MTMR4: variants seen among roughly 807,000 people sequenced by gnomAD.
The protein encoded by MTMR4 is myotubularin related protein 4, also known as phosphatidylinositol-3,5-bisphosphate 3-phosphatase MTMR4.
Under a neutral mutation model 125.5 loss-of-function variants are expected in MTMR4, and 30 were observed. That is an observed-to-expected ratio of 0.24 (90% CI 0.18 to 0.32). MTMR4 has a LOEUF of 0.32. MTMR4 is among the 10% of genes least tolerant of loss of function. MTMR4 has a pLI of 1.00. For synonymous variants in MTMR4, 498 were observed against 564.5 expected (o/e 0.88, Z 1.67); for missense variants, 1,039 against 1,511.5 (o/e 0.69, Z 5.18).
chr17:58,513,033 C>A, intron 1 of MTMR4, 92 bp from the exon 2 acceptor site: 3 of 857,096 alleles, frequency 3.5e-6, no homozygotes, highest in Admixed American at 2.1e-5. Context: ...CCACAGATAC[C>A]CACACACACA....
At chr17:58,509,177 T>A (rs1975860333) in intron 4 of MTMR4, among the ~76,000 whole-genome samples, 1 of 151,916 alleles carries the variant, frequency 6.6e-6, no homozygotes, top group African/African-American at 2.4e-5. Context: ...ACCAGTGTTA[T>A]CTCCCATGAC....
Position 58,508,410 on chromosome 17 carries a change from T to A in MTMR4, c.593+58A>T. 1 of 1,587,780 alleles carries A rather than the reference T, an allele frequency of 6.3e-7. No homozygotes were observed. The highest frequency in any genetic ancestry group is 8.6e-7 in the Non-Finnish European group (1 of 1,156,096). ...ACTCAGAAGCTGTGCCCACCACACT[T>A]TATCCAAACACGGAAGTAGTTTGGT... On this transcript the variant is annotated intron_variant, in intron 6 of 17. Coordinates refer to ENST00000682306, the MANE Select transcript of MTMR4 (RefSeq NM_001378067.1). The surrounding 1 kb of genome is among the most constrained non-coding windows in gnomAD (Gnocchi z 4.8).
chr17:58,514,640 G>A (rs1236192071), upstream of MTMR4: 1 of 985,210 alleles, frequency 1.0e-6, no homozygotes, highest in African/African-American at 1.7e-5. Flanking sequence ...AGGGAGGGGA[G>A]CCAGGCGAGG....
chr17:58,516,525 A>G, upstream of MTMR4: 1 of 1,603,476 alleles, frequency 6.2e-7, no homozygotes, highest in Non-Finnish European at 8.5e-7. Context: ...CTTCACAGAG[A>G]AAGACACATG....
rs1236403135 is a variant in MTMR4 at position 58,495,933 on chromosome 17, C to A, written c.2251G>T (p.Ala751Ser). Reference protein sequence around the residue: ...ETKGPAPDPSAQDELGRTLDG... With the variant: ...ETKGPAPDPSSQDELGRTLDG... ...AAAGTCCTACCCAGCTCATCCTGGG[C>A]AGAAGGGTCTGGAGCTGGTCCCTTA... Residue 751 changes from alanine to serine, a missense_variant, in exon 15 of 18, where the codon GCC becomes TCC. Physicochemically the swap from Ala to Ser is moderately conservative, Grantham distance 99 (BLOSUM62 1). Around this residue, in one of 6 missense-constraint regions of MTMR4, gnomAD observed 619 missense variants for 714.5 expected, o/e 0.87. Transcript: ENST00000682306. 10 of 1,614,198 alleles carry A rather than the reference C, an allele frequency of 6.2e-6. No homozygotes were observed. The highest frequency in any genetic ancestry group is 2.2e-5 in the South Asian group (2 of 91,082).
In MTMR4 at chr17:58,492,823, C is replaced by G. The variant is rs1975350453; in HGVS notation, c.3363+19G>C. On this transcript the variant is annotated intron_variant, in intron 16 of 17. Coordinates refer to ENST00000682306, the MANE Select transcript of MTMR4 (RefSeq NM_001378067.1). ...CACTGGCTCACGTAAGTACCCACCA[C>G]ATATGTGCCTAAACATACCTCAGTC... is the stretch of plus-strand genomic sequence containing the variant. 10 of 1,602,138 alleles carry G rather than the reference C, an allele frequency of 6.2e-6. No individual in the cohort carries two copies. Among genetic ancestry groups the G allele is most frequent in the Non-Finnish European group, 8.6e-6 (10 of 1,169,082 alleles).
chr17:58,491,536 G>A lies in MTMR4; in HGVS notation c.*127C>T, dbSNP rs865871584. The stretch of plus-strand genomic sequence containing the variant: ...TGCTCCAGTTTCATGATACCAAGGA[G>A]GATTTCTCAAGATGGTATCTCTGAG... On this transcript the variant is annotated 3_prime_UTR_variant, in exon 18 of 18. Transcript: ENST00000682306. 2.9e-5 allele frequency: 28 copies of A among 972,746 alleles called. No individual in the cohort carries two copies. Among genetic ancestry groups the A allele is most frequent in the Non-Finnish European group, 4.1e-5 (27 of 664,160 alleles). The allele number at this position is 972,746 out of a possible 1,614,324, so 60.3% of individuals were successfully genotyped here. A position where few individuals can be genotyped will look rare whatever the true frequency, so the allele number is the denominator to read the frequency against.
chr17:58,505,649 T>C lies in MTMR4; in HGVS notation c.1034-66A>G, dbSNP rs1975760960. 18 of 1,115,348 alleles carry C rather than the reference T, an allele frequency of 1.6e-5. No homozygotes were observed. The South Asian group carries it at 2.2e-4, about 14-fold the overall frequency. 69.1% of individuals were successfully genotyped at this position (1,115,348 alleles called of 1,614,324 possible). A position where few individuals can be genotyped will look rare whatever the true frequency, so the allele number is the denominator to read the frequency against. Reference sequence around the variant, plus strand: ...TAGGCCGGGCGCGGTGGCTCACACCTGTAATCCCAGCACTTTGGGAGGCTG... The same window carrying C: ...TAGGCCGGGCGCGGTGGCTCACACCCGTAATCCCAGCACTTTGGGAGGCTG... On this transcript the variant is annotated intron_variant, in intron 9 of 17. Transcript: ENST00000682306.
chr17:58,497,970 A>G (rs9900944), intron 14 of MTMR4, among the ~76,000 whole-genome samples: 2,818 of 152,302 alleles, frequency 0.019, 56 homozygotes, highest in African/African-American at 0.052. Flanking sequence ...GCTCATGCCT[A>G]TAATCTCAAC....
At position 58,508,133 on chromosome 17, in the gene MTMR4, T is replaced by C; in HGVS notation, c.707+28A>G. 6.4e-7 allele frequency: 1 copy of C among 1,561,996 alleles called. No individual in the cohort carries two copies. The highest frequency in any genetic ancestry group is 2.2e-5 in the East Asian group (1 of 44,576). ...TTTCCTTGTTGCATAAGAAATGGCC[T>C]CCCTACTTCCCAGCCCCACTGCCTC... On this transcript the variant is annotated intron_variant, in intron 7 of 17. Coordinates refer to ENST00000682306, the MANE Select transcript of MTMR4 (RefSeq NM_001378067.1). This position sits in a 1 kb window ranked among gnomAD's most constrained non-coding sequence, Gnocchi z 4.8.
chr17:58,498,516 G>T (rs1010484117), intron 14 of MTMR4, among the ~76,000 whole-genome samples: 1 of 123,114 alleles, frequency 8.1e-6, no homozygotes, highest in East Asian at 2.8e-4. Flanking sequence ...GGAGGAGAAG[G>T]AGAAGGAGAA....
Position 58,506,765 on chromosome 17 carries a change from C to A in MTMR4, c.1011G>T (p.Lys337Asn). The change falls in exon 9 of 18, where the codon AAG becomes AAT. Residue 337 changes from lysine to asparagine, a missense_variant. By Grantham distance (94) the Lys-to-Asn change is moderately conservative. This residue lies in a region of MTMR4 where 107 missense variants were observed against 267.4 expected (regional missense o/e 0.40). Coordinates refer to ENST00000682306, the MANE Select transcript of MTMR4 (RefSeq NM_001378067.1). ...SYTAAVANRA[K>N]GGGCECEEYY... ...TACCTTCACATTCACAGCCTCCACC[C>A]TTGGCCCGGTTGGCCACTGCTGCCG... 6.2e-7 allele frequency: 1 copy of A among 1,614,040 alleles called. No homozygotes were observed. The highest frequency in any genetic ancestry group is 8.5e-7 in the Non-Finnish European group (1 of 1,180,010).
chr17:58,497,212 G>A (rs1975493291), intron 14 of MTMR4, among the ~76,000 whole-genome samples: 1 of 152,206 alleles, frequency 6.6e-6, no homozygotes, highest in Admixed American at 6.5e-5. Context: ...AGTCAGTTCA[G>A]CCTATGCGGA....
Position 58,508,175 on chromosome 17 carries a change from G to A in MTMR4, c.693C>T (p.Pro231=), listed in dbSNP as rs371605696. ...CACTGCCTCACCTATACACAACCAC[G>A]GGAATCCGCTTCCAGGAGCGGAAGG... ...VASFRSWKRI[P]VVVYRHLRNG... Residue 231 remains proline (P), a synonymous_variant, in exon 7 of 18, where the codon CCC becomes CCT. Coordinates refer to ENST00000682306, the MANE Select transcript of MTMR4 (RefSeq NM_001378067.1). This position sits in a 1 kb window ranked among gnomAD's most constrained non-coding sequence, Gnocchi z 4.8. The A allele has an allele frequency of 1.8e-4, 293 of 1,613,430 alleles. No individual in the cohort carries two copies. The Middle Eastern group carries it at 2.6e-3, about 15-fold the overall frequency.
At chr17:58,503,980 C>G in intron 13 of MTMR4, 70 bp downstream of exon 13, 6 of 1,549,032 alleles carry the variant, frequency 3.9e-6, no homozygotes, top group Non-Finnish European at 5.2e-6. Flanking sequence ...TCTACATTTT[C>G]CCTACTGACT....
intron 15 of MTMR4, among the ~76,000 whole-genome samples, chr17:58,494,320 CAAAA>C (rs59888430): frequency 1.1e-5 from 1 of 88,964 alleles, no homozygotes; most frequent in Admixed American, 1.2e-4. Flanking sequence ...GACTCCGTCT[CAAAA>C]AAAAAAAAAA....
chr17:58,501,407 T>C lies in MTMR4; in HGVS notation c.1853+2337A>G, dbSNP rs1194706521. ...ACCTGGGAGGCTGAAACAGAAGGAT[T>C]ACCTGAGGTCAGGAGTTTGAGGTTA... On this transcript the variant is annotated intron_variant, in intron 14 of 17. Coordinates refer to ENST00000682306, the MANE Select transcript of MTMR4 (RefSeq NM_001378067.1). Among the ~76,000 whole-genome samples, 2 of 152,004 alleles carry C rather than the reference T, an allele frequency of 1.3e-5. 1 individual carries two copies. Among genetic ancestry groups the C allele is most frequent in the Admixed American group, 1.3e-4 (2 of 15,254 alleles).
At chr17:58,501,171 C>T (rs1035482471) in intron 14 of MTMR4, among the ~76,000 whole-genome samples, 1 of 152,034 alleles carries the variant, frequency 6.6e-6, no homozygotes, top group Non-Finnish European at 1.5e-5. Context: ...TTTTGTTTTC[C>T]TTTATAATAT....
chr17:58,511,149 C>G (rs1197784690), intron 4 of MTMR4: 1 of 279,020 alleles, frequency 3.6e-6, no homozygotes, highest in Non-Finnish European at 6.7e-6. Context: ...TATGAGTGCT[C>G]TGTGCCAGAT....
Sources: allele counts gnomAD v4.1 joint callset (sites outside exome capture counted in the v4.1 genomes callset), GRCh38; gene constraint gnomAD v4.1.1; regional missense constraint gnomAD v4.1.1; non-coding constraint Gnocchi (gnomAD v3.1); transcripts MANE v1.5; gene names NCBI Gene and HGNC (gene_info 2026-07-23, HGNC 2026-07-21).